The following RMDN2 variants were observed in gnomAD, a reference collection of about 807,000 sequenced individuals.
RMDN2 encodes regulator of microtubule dynamics 2.
Under a neutral mutation model 52.8 loss-of-function variants are expected in RMDN2, and 61 were observed. The observed-to-expected ratio is 1.16, with a 90% confidence interval of 0.94 to 1.43. The LOEUF is 1.43. Among genes scored for constraint, RMDN2 ranks in the 40% most tolerant of loss-of-function variants. The pLI is 0.00. For synonymous variants in RMDN2, 180 were observed against 153.1 expected (o/e 1.18, Z -1.30); for missense variants, 592 against 475.3 (o/e 1.25, Z -2.28).
At chr2:37,942,883 A>T (rs1260027604) in intron 2 of RMDN2, among the ~76,000 whole-genome samples, 1 of 152,194 alleles carries the variant, frequency 6.6e-6, no homozygotes, top group Non-Finnish European at 1.5e-5. Flanking sequence ...ATCTAGCAAG[A>T]TGGTAAAGAG....
At chr2:37,973,490 G>A (rs1475532486) in intron 2 of RMDN2, among the ~76,000 whole-genome samples, 2 of 152,196 alleles carry the variant, frequency 1.3e-5, no homozygotes, top group Non-Finnish European at 2.9e-5. Context: ...TTCTCCTGGG[G>A]AGGATACTGA....
intron 5 of RMDN2, among the ~76,000 whole-genome samples, chr2:37,986,322 C>A (rs546413446): frequency 6.6e-6 from 1 of 152,140 alleles, no homozygotes; most frequent in South Asian, 2.1e-4. Context: ...TATAATTTTC[C>A]AAAACAGAAA....
chr2:37,938,661 G>C (rs962015676), intron 2 of RMDN2, among the ~76,000 whole-genome samples: 3 of 152,164 alleles, frequency 2.0e-5, no homozygotes, highest in African/African-American at 7.2e-5. Context: ...GTTTCTTGTA[G>C]ATTTTCTAGT....
intron 10 of RMDN2, among the ~76,000 whole-genome samples, chr2:38,035,470 G>A (rs574239086): frequency 7.2e-5 from 11 of 152,098 alleles, no homozygotes; most frequent in Non-Finnish European, 1.5e-4. Flanking sequence ...ACAAGTAAGA[G>A]TAGTTGTGAA....
intron 2 of RMDN2, among the ~76,000 whole-genome samples, chr2:37,937,462 C>T (rs1180983997): frequency 1.3e-5 from 2 of 152,166 alleles, no homozygotes. Flanking sequence ...ATGGGAATAG[C>T]ATTGAATCTG....
At chr2:38,022,107 C>G (rs1462136880), downstream of RMDN2, among the ~76,000 whole-genome samples, 2 of 152,124 alleles carry the variant, frequency 1.3e-5, no homozygotes, top group East Asian at 3.9e-4. Context: ...ATTTCGACTC[C>G]TTAATCTAGT....
intron 10 of RMDN2, among the ~76,000 whole-genome samples, chr2:38,008,282 A>G (rs1270824934): frequency 2.6e-5 from 4 of 152,084 alleles, no homozygotes; most frequent in African/African-American, 9.7e-5. Flanking sequence ...TGTCTCGTTG[A>G]TCTGTCTAAT....
At chr2:37,962,155 C>T (rs892480239) in intron 2 of RMDN2, among the ~76,000 whole-genome samples, 19 of 152,208 alleles carry the variant, frequency 1.2e-4, no homozygotes, top group Admixed American at 3.9e-4. Context: ...TCTCCTCGTC[C>T]GGAGGCACAA....
chr2:38,034,054 T>G (rs1680407118), intron 10 of RMDN2, among the ~76,000 whole-genome samples: 3 of 152,228 alleles, frequency 2.0e-5, no homozygotes, highest in African/African-American at 7.2e-5. Flanking sequence ...AATATTAGTG[T>G]TTCTTTACTT....
intron 5 of RMDN2, among the ~76,000 whole-genome samples, chr2:37,987,945 G>T (rs1674255535): frequency 6.6e-6 from 1 of 152,170 alleles, no homozygotes; most frequent in South Asian, 2.1e-4. Flanking sequence ...TGTAGTCCCA[G>T]CTACTCAGGA....
At chr2:37,939,375 G>A (rs191877220) in intron 2 of RMDN2, among the ~76,000 whole-genome samples, 118 of 152,330 alleles carry the variant, frequency 7.7e-4, no homozygotes, top group Non-Finnish European at 1.3e-3. Context: ...CTGTTGATGT[G>A]TGGTGGAGAG....
At chr2:37,951,103 T>C in intron 2 of RMDN2, 2 of 881,284 alleles carry the variant, frequency 2.3e-6, no homozygotes, top group Non-Finnish European at 1.7e-6. Context: ...TCCCTGCTGT[T>C]TTCATATTAG....
intron 2 of RMDN2, among the ~76,000 whole-genome samples, chr2:37,938,153 C>A (rs190575525): frequency 6.6e-6 from 1 of 152,024 alleles, no homozygotes; most frequent in Non-Finnish European, 1.5e-5. Flanking sequence ...TTGAGATAAT[C>A]GTGTGTTTTT....
chr2:38,013,879 G>A (rs907170532), intron 10 of RMDN2, among the ~76,000 whole-genome samples: 1 of 152,120 alleles, frequency 6.6e-6, no homozygotes, highest in Non-Finnish European at 1.5e-5. Context: ...TGTGCTATCC[G>A]TGCCTGGAGA....
In RMDN2 at chr2:37,936,014, A is replaced by G. The variant is rs377037295; in HGVS notation, c.452+6285A>G. 9.9e-5 allele frequency among the ~76,000 whole-genome samples: 15 copies of G among 152,184 alleles called. No individual in the cohort carries two copies. In the South Asian group the frequency reaches 1.0e-3, roughly 11 times the overall value. ...TGCTGCACCTATCAACCCGTCATCT[A>G]TGTTAGGTAATTGTCCTAATGCTAC... On this transcript the variant is annotated intron_variant, in intron 2 of 10. Coordinates refer to ENST00000354545, the MANE Select transcript of RMDN2 (RefSeq NM_001170791.3).
intron 9 of RMDN2, 41 bp downstream of exon 9, chr2:38,004,085 C>G: frequency 6.2e-7 from 1 of 1,604,846 alleles, no homozygotes; most frequent in South Asian, 1.1e-5. Context: ...CACTTTGAAC[C>G]TATCGCATAA....
chr2:37,969,999 C>T (rs113926856), intron 2 of RMDN2, among the ~76,000 whole-genome samples: 2,032 of 152,130 alleles, frequency 0.013, 26 homozygotes, highest in Non-Finnish European at 0.022. Flanking sequence ...GTGGCACAAT[C>T]ATAGCTTACT....
At chr2:38,001,038 G>A (rs1247779290) in intron 8 of RMDN2, among the ~76,000 whole-genome samples, 2 of 152,200 alleles carry the variant, frequency 1.3e-5, no homozygotes, top group African/African-American at 4.8e-5. Context: ...TACCCTGATT[G>A]CACTTATTGT....
At chr2:38,048,222 C>T (rs761868463) in intron 10 of RMDN2, among the ~76,000 whole-genome samples, 2 of 152,202 alleles carry the variant, frequency 1.3e-5, no homozygotes, top group Non-Finnish European at 2.9e-5. Flanking sequence ...CATTTTCTTA[C>T]ACTCCTTCTT....
Sources: gnomAD v4.1 joint callset for allele counts (sites outside exome capture counted in the v4.1 genomes callset) on GRCh38, gnomAD v4.1.1 for gene constraint, MANE v1.5 for transcripts, NCBI Gene and HGNC (gene_info 2026-07-23, HGNC 2026-07-21) for gene names.